PAK2: variants seen among roughly 807,000 people sequenced by gnomAD.
PAK2 encodes the protein p21 (RAC1) activated kinase 2, also known as serine/threonine-protein kinase PAK 2.
PAK2 carries 21 observed loss-of-function variants against 65.9 expected under a neutral mutation model. That is an observed-to-expected ratio of 0.32 (90% CI 0.23 to 0.46). The LOEUF (loss-of-function observed/expected upper bound fraction) is 0.46. PAK2 is among the 20% of genes least tolerant of loss of function. The probability of loss-of-function intolerance (pLI) is 1.00; values close to 1 mark genes in which losing one functional copy is unlikely to be tolerated. For missense variants in PAK2, 324 were observed against 642.6 expected, an observed-to-expected ratio of 0.50 and a Z score of 5.36; for synonymous variants, 204 against 219.7, an observed-to-expected ratio of 0.93 and a Z score of 0.63.
chr3:196,818,221 AC>A lies in PAK2; in HGVS notation c.1153+66del, dbSNP rs372398281. On this transcript the variant is annotated intron_variant, in intron 12 of 14. Transcript: ENST00000327134. ...TTTTCTGCCTTTTGTTTAATTAAAA[AC>A]TTTTCTTGACCAATGCAAGGATTAA... The A allele has an allele frequency of 1.5e-4, 102 of 695,232 alleles. 1 individual carries two copies. In the Middle Eastern group the frequency reaches 3.4e-3, roughly 23 times the overall value. 43.1% of individuals were successfully genotyped at this position (695,232 alleles called of 1,614,324 possible). A position where few individuals can be genotyped will look rare whatever the true frequency, so the allele number is the denominator to read the frequency against.
intron 1 of PAK2, among the ~76,000 whole-genome samples, chr3:196,770,968 A>T (rs1037042940): frequency 6.6e-6 from 1 of 151,432 alleles, no homozygotes; most frequent in Non-Finnish European, 1.5e-5. Flanking sequence ...AGTTCTAAAT[A>T]TTTTTCAATT....
At chr3:196,800,887 G>T (rs890927394) in intron 2 of PAK2, among the ~76,000 whole-genome samples, 1 of 152,122 alleles carries the variant, frequency 6.6e-6, no homozygotes, top group Non-Finnish European at 1.5e-5. Context: ...TACAGGGCAG[G>T]AGTGAAGGGA....
Position 196,820,390 on chromosome 3 carries a change from C to G in PAK2, c.1173C>G (p.Ala391=). The change falls in exon 13 of 15, where the codon GCC becomes GCG. Residue 391 remains alanine, a synonymous_variant. Coordinates refer to ENST00000327134, the MANE Select transcript of PAK2 (RefSeq NM_002577.4). This position sits in a 1 kb window ranked among gnomAD's most constrained non-coding sequence, Gnocchi z 4.6. The part of the protein sequence containing the change: ...SVKLTDFGFC[A]QITPEQSKRS... ...TTGTAGCTGACTTTGGTTTCTGTGC[C>G]CAGATCACCCCTGAGCAGAGCAAAC... 6.3e-7 allele frequency: 1 copy of G among 1,578,288 alleles called. No individual in the cohort carries two copies.
At chr3:196,806,396 T>G (rs1715585479) in intron 5 of PAK2, among the ~76,000 whole-genome samples, 183 bp from the exon 6 acceptor site, 1 of 152,198 alleles carries the variant, frequency 6.6e-6, no homozygotes. Flanking sequence ...TTTTCATGAT[T>G]CATAGAATCG....
At chr3:196,814,074 A>G (rs1168000533) in intron 10 of PAK2, among the ~76,000 whole-genome samples, 2 of 152,190 alleles carry the variant, frequency 1.3e-5, no homozygotes, top group African/African-American at 2.4e-5. Flanking sequence ...CCTTGGCTTC[A>G]TATTCTGGTT....
intron 1 of PAK2, among the ~76,000 whole-genome samples, chr3:196,751,694 T>TATATATATATATATATATATA (rs1211217848): frequency 6.5e-5 from 3 of 45,868 alleles, no homozygotes; most frequent in African/African-American, 2.3e-4. Flanking sequence ...TATATATATA[T>TATATATATATATATATATATA]AATTCAGGCT....
rs1035348568 is a variant in PAK2, at chr3:196,809,966, CT to C, written c.710-621del. Among the ~76,000 whole-genome samples, 28 of 151,924 alleles carry C rather than the reference CT, an allele frequency of 1.8e-4. 1 individual carries two copies. Among genetic ancestry groups the C allele is most frequent in the Admixed American group, 1.5e-3 (23 of 15,222 alleles). ...AAAACCTCTTTCTTGTGACTTTGAA[CT>C]TTCCTAAAACAAACATATGATTAGT... is the stretch of plus-strand genomic sequence containing the variant. On this transcript the variant is annotated intron_variant, in intron 7 of 14. Coordinates refer to ENST00000327134, the MANE Select transcript of PAK2 (RefSeq NM_002577.4).
Position 196,794,893 on chromosome 3 carries a change from A to G in PAK2, c.188-7034A>G, listed in dbSNP as rs12108021. On this transcript the variant is annotated intron_variant, in intron 2 of 14. Transcript: ENST00000327134. The stretch of plus-strand genomic sequence containing the variant: ...CTAGAACCCAGGCAAACCTGGGCTT[A>G]TGGTGCCATTTAGTGCTGGAAAGGA... 9.3e-3 allele frequency among the ~76,000 whole-genome samples: 1,409 copies of G among 152,244 alleles called. 14 individuals carry two copies. Among genetic ancestry groups the G allele is most frequent in the African/African-American group, 0.031 (1,269 of 41,546 alleles).
At chr3:196,824,041 A>T (rs181618482) in intron 13 of PAK2, among the ~76,000 whole-genome samples, 49 of 152,160 alleles carry the variant, frequency 3.2e-4, no homozygotes, top group Non-Finnish European at 4.7e-4. Context: ...ACTCATTCCA[A>T]GCTGAAGATA....
chr3:196,750,346 G>A (rs1283777915), intron 1 of PAK2, among the ~76,000 whole-genome samples: 1 of 152,028 alleles, frequency 6.6e-6, no homozygotes, highest in Non-Finnish European at 1.5e-5. Flanking sequence ...TGTTGCGCAG[G>A]CTGGTAGATA....
chr3:196,803,249 C>G, intron 4 of PAK2, 85 bp downstream of exon 4: 1 of 1,103,936 alleles, frequency 9.1e-7, no homozygotes, highest in Non-Finnish European at 1.3e-6. Flanking sequence ...AAATGAAAAG[C>G]TAAACTATGG....
chr3:196,777,865 C>T (rs560688424), intron 1 of PAK2, among the ~76,000 whole-genome samples: 2 of 152,266 alleles, frequency 1.3e-5, no homozygotes, highest in South Asian at 2.1e-4. Flanking sequence ...CTCATTTAAT[C>T]TTTATTCTGT....
At chr3:196,822,077 GC>G (rs1711673840) in intron 13 of PAK2, among the ~76,000 whole-genome samples, 1 of 152,126 alleles carries the variant, frequency 6.6e-6, no homozygotes. Context: ...TCATCCAGTT[GC>G]CAAAGATTCC....
chr3:196,805,508 G>A (rs909591563), intron 5 of PAK2, 125 bp downstream of exon 5: 1 of 521,398 alleles, frequency 1.9e-6, no homozygotes, highest in South Asian at 3.2e-5. Context: ...TACTCAATAG[G>A]TGTTTTTAGC....
rs928243464 is a variant in PAK2, at chr3:196,820,797, G to A, written c.1350+230G>A. ...TAAGCTGTATTGTTTTGTATTTTAC[G>A]TAGGAAGTTTGGAGCACCTGTCTCT... On this transcript the variant is annotated intron_variant, in intron 13 of 14. Coordinates refer to ENST00000327134, the MANE Select transcript of PAK2 (RefSeq NM_002577.4). This position sits in a 1 kb window ranked among gnomAD's most constrained non-coding sequence, Gnocchi z 4.6. Among the ~76,000 whole-genome samples the A allele has an allele frequency of 3.9e-5, 6 of 152,106 alleles. No individual in the cohort carries two copies. Among genetic ancestry groups the A allele is most frequent in the Admixed American group, 2.0e-4 (3 of 15,250 alleles).
intron 2 of PAK2, among the ~76,000 whole-genome samples, chr3:196,797,642 C>G (rs1236183420): frequency 1.3e-5 from 2 of 151,698 alleles, no homozygotes; most frequent in Non-Finnish European, 2.9e-5. Flanking sequence ...ATCCCAGCTA[C>G]TTGGGAGGCT....
chr3:196,793,892 A>G (rs577611578), intron 2 of PAK2, among the ~76,000 whole-genome samples: 1 of 152,326 alleles, frequency 6.6e-6, no homozygotes, highest in African/African-American at 2.4e-5. Flanking sequence ...GCACTTTGGG[A>G]AGCCAAGGTG....
At chr3:196,777,712 A>G (rs1714580379) in intron 1 of PAK2, among the ~76,000 whole-genome samples, 1 of 152,218 alleles carries the variant, frequency 6.6e-6, no homozygotes. Flanking sequence ...GACCTAACTT[A>G]AAACAAGTAC....
In PAK2 at chr3:196,782,659, G is replaced by A. The variant is rs772109441; in HGVS notation, c.13G>A (p.Gly5Arg). 19 of 1,589,430 alleles carry A rather than the reference G, an allele frequency of 1.2e-5. No homozygotes were observed. Among genetic ancestry groups the A allele is most frequent in the Middle Eastern group, 1.7e-4 (1 of 5,994 alleles). ...ATAATTCTGAATCATGTCTGATAAC[G>A]GAGAACTGGAAGATAAGCCTCCAGC... MSDN[G>R]ELEDKPPAPP... The change falls in exon 2 of 15, where the codon GGA becomes AGA. Residue 5 changes from glycine (G) to arginine (R), a missense_variant. Physicochemically the swap from Gly to Arg is moderately radical, Grantham distance 125 (BLOSUM62 -2). Around this residue, in one of 5 missense-constraint regions of PAK2, gnomAD observed 42 missense variants for 67.4 expected, o/e 0.62. Transcript: ENST00000327134.
Sources: allele counts gnomAD v4.1 joint callset (sites outside exome capture counted in the v4.1 genomes callset), GRCh38; gene constraint gnomAD v4.1.1; regional missense constraint gnomAD v4.1.1; non-coding constraint Gnocchi (gnomAD v3.1); transcripts MANE v1.5; gene names NCBI Gene and HGNC (gene_info 2026-07-23, HGNC 2026-07-21).